The following PLEKHG6 variants were observed in gnomAD, a reference collection of about 807,000 sequenced individuals.
The protein encoded by PLEKHG6 is pleckstrin homology domain-containing family G member 6.
Under a neutral mutation model 97.5 loss-of-function variants are expected in PLEKHG6, and 91 were observed. The observed-to-expected ratio is 0.93, with a 90% CI of 0.79 to 1.11. The LOEUF (loss-of-function observed/expected upper bound fraction) is 1.11. Ranked by LOEUF, PLEKHG6 falls within the 50% of genes most tolerant of loss-of-function variation. PLEKHG6 has a pLI of 0.00. For missense variants in PLEKHG6, 1,044 were observed against 1,031.0 expected (o/e 1.01, Z -0.17); for synonymous variants, 466 against 425.5 (o/e 1.10, Z -1.17).
At position 6,328,062 on chromosome 12, in the gene PLEKHG6, C is replaced by G. The variant is rs1007485452; in HGVS notation, c.2364-74C>G. 18 of 1,591,872 alleles carry G rather than the reference C, an allele frequency of 1.1e-5. No homozygotes were observed. The Admixed American group carries it at 2.2e-4, about 19-fold the overall frequency. On this transcript the variant is annotated intron_variant, in intron 15 of 15. Transcript: ENST00000684764. ...AACAGGGGCTGAGGCAGGAAGGGCTCTCCGCCTCACTCTTCACCTGACCCT... is the reference window on the plus strand; with the variant it reads ...AACAGGGGCTGAGGCAGGAAGGGCTGTCCGCCTCACTCTTCACCTGACCCT...
In PLEKHG6 at chr12:6,315,487, C is replaced by T; in HGVS notation, c.460-67C>T. The T allele has an allele frequency of 9.3e-7, 1 of 1,077,634 alleles. No individual in the cohort carries two copies. Among genetic ancestry groups the T allele is most frequent in the South Asian group, 1.5e-5 (1 of 65,110 alleles). The allele number at this position is 1,077,634 out of a possible 1,614,324, so 66.8% of individuals were successfully genotyped here. ...AACCTATGAAGTGGATCCGGTCGCA[C>T]TTAACAGCTGGTACTTGCCATTCTA... On this transcript the variant is annotated intron_variant, in intron 4 of 15. Transcript: ENST00000684764. This position sits in a 1 kb window ranked among gnomAD's most constrained non-coding sequence, Gnocchi z 4.5.
Position 6,312,139 on chromosome 12 carries a change from T to C in PLEKHG6, c.-68-20T>C. ...CACTGATTGGGGATGGCCCTTCCAT[T>C]CCTCTTTTCTCTCTTGCAGCCCTAG... On this transcript the variant is annotated intron_variant, in intron 1 of 15. Coordinates refer to ENST00000684764, the MANE Select transcript of PLEKHG6 (RefSeq NM_001384598.1). The C allele has an allele frequency of 2.5e-6, 3 of 1,210,694 alleles. No individual in the cohort carries two copies. The highest frequency in any genetic ancestry group is 2.2e-6 in the Non-Finnish European group (2 of 901,566). 75.0% of individuals were successfully genotyped at this position (1,210,694 alleles called of 1,614,324 possible).
At chr12:6,312,624 C>G in intron 2 of PLEKHG6, 1 of 1,282,608 alleles carries the variant, frequency 7.8e-7, no homozygotes, top group African/African-American at 1.5e-5. Context: ...TTAGACAGGT[C>G]TCAGACAAAG....
At chr12:6,313,267 C>T (rs1162756469) in intron 2 of PLEKHG6, 4 of 1,322,622 alleles carry the variant, frequency 3.0e-6, no homozygotes, top group African/African-American at 1.5e-5. Flanking sequence ...CTGTGTGCAC[C>T]ACGCCTTGTC....
chr12:6,327,479 T>TGCCC lies in PLEKHG6; in HGVS notation c.1896_1897insGCCC (p.Pro633AlafsTer38). ...TGGAACTCCGGGACATCCCTCTGCG[T>TGCCC]CCCCACCCTCCCGACCCCCAAGCTC... On this transcript the variant is annotated frameshift_variant, in exon 15 of 16. Coordinates refer to ENST00000684764, the MANE Select transcript of PLEKHG6 (RefSeq NM_001384598.1). LOFTEE classifies it high-confidence loss of function. 8 of 1,603,248 alleles carry TGCCC rather than the reference T, an allele frequency of 5.0e-6. No individual in the cohort carries two copies. The highest frequency in any genetic ancestry group is 5.1e-6 in the Non-Finnish European group (6 of 1,171,700).
rs903425298 is a variant in PLEKHG6, at chr12:6,327,273, A to G, written c.1690A>G (p.Ile564Val). 8 of 1,602,026 alleles carry G rather than the reference A, an allele frequency of 5.0e-6. No individual in the cohort carries two copies. The African/African-American group carries it at 8.0e-5, about 16-fold the overall frequency. Residue 564 changes from isoleucine to valine, a missense_variant, in exon 15 of 16, where the codon ATT becomes GTT. By Grantham distance (29) the Ile-to-Val change is conservative. Transcript: ENST00000684764. ...CTGTAGGACTCCTGAGTTCTCGACCATTATCCCCCACCTGGTGGTGACAGA... is the reference window on the plus strand; with the variant it reads ...CTGTAGGACTCCTGAGTTCTCGACCGTTATCCCCCACCTGGTGGTGACAGA... ...AEGRTPEFST[I>V]IPHLVVTEDT... is the part of the protein sequence containing the mutation.
At chr12:6,314,261 G>A (rs564019595) in intron 3 of PLEKHG6, among the ~76,000 whole-genome samples, 2 of 152,298 alleles carry the variant, frequency 1.3e-5, no homozygotes, top group East Asian at 3.9e-4. Context: ...CCAGCACTTT[G>A]GGAGGCCAAG....
Position 6,315,010 on chromosome 12 carries a change from C to A in PLEKHG6, c.300C>A (p.Leu100=), listed in dbSNP as rs1257259310. The A allele has an allele frequency of 6.2e-7, 1 of 1,613,448 alleles. No individual in the cohort carries two copies. The highest frequency in any genetic ancestry group is 2.2e-5 in the East Asian group (1 of 44,876). ...GCCCTTCTCGGCTCCCCCAGGAACT[C>A]ACCAAGGCCCATGAGCTGGAGGTGA... ...GLLHSPKLKE[L]TKAHELEVRL... The change falls in exon 4 of 16, where the codon CTC becomes CTA. Residue 100 remains leucine (L), a synonymous_variant. Coordinates refer to ENST00000684764, the MANE Select transcript of PLEKHG6 (RefSeq NM_001384598.1). The surrounding 1 kb of genome is among the most constrained non-coding windows in gnomAD (Gnocchi z 4.5).
Position 6,327,585 on chromosome 12 carries a change from T to C in PLEKHG6, c.2002T>C (p.Ser668Pro). 6.3e-7 allele frequency: 1 copy of C among 1,590,622 alleles called. No individual in the cohort carries two copies. The highest frequency in any genetic ancestry group is 8.5e-7 in the Non-Finnish European group (1 of 1,169,874). The change falls in exon 15 of 16, where the codon TCT becomes CCT. Residue 668 changes from serine (S) to proline (P), a missense_variant. By Grantham distance (74) the Ser-to-Pro change is moderately conservative (BLOSUM62 -1). Coordinates refer to ENST00000684764, the MANE Select transcript of PLEKHG6 (RefSeq NM_001384598.1). ...TCCCCAGGAAGACCCACCAACCTGG[T>C]CTGAGGAAGAAGATGGGGCCTCCGA... is the stretch of plus-strand genomic sequence containing the variant. The part of the protein sequence containing the change: ...SLPQEDPPTW[S>P]EEEDGASERG...
In PLEKHG6 at chr12:6,317,903, G is replaced by A. The variant is rs1026549540; in HGVS notation, c.1064G>A (p.Arg355His). The change falls in exon 10 of 16, where the codon CGC becomes CAC. Residue 355 changes from arginine (R) to histidine (H), a missense_variant. By Grantham distance (29) the Arg-to-His change is conservative (BLOSUM62 0). Coordinates refer to ENST00000684764, the MANE Select transcript of PLEKHG6 (RefSeq NM_001384598.1). ...CTGCGACACATCAATGGGCAGGTCC[G>A]CCAGGGCGAAGAGCAAGAGAGCTTG... ...SFLRHINGQV[R>H]QGEEQESLAA... 23 of 1,560,110 alleles carry A rather than the reference G, an allele frequency of 1.5e-5. No homozygotes were observed. The highest frequency in any genetic ancestry group is 3.9e-5 in the Admixed American group (2 of 51,358).
At chr12:6,326,105 G>C (rs1364452351) in intron 13 of PLEKHG6, among the ~76,000 whole-genome samples, 5 of 152,122 alleles carry the variant, frequency 3.3e-5, no homozygotes, top group Non-Finnish European at 7.3e-5. Flanking sequence ...AGGAGTTTGA[G>C]ACCAGCCTGG....
Position 6,327,833 on chromosome 12 carries a change from G to A in PLEKHG6, c.2250G>A (p.Arg750=). Residue 750 remains arginine (R), a synonymous_variant, in exon 15 of 16, where the codon AGG becomes AGA. Transcript: ENST00000684764. ...TCCGGGAGGAGCTGGCCAGCCAAAGGATTGAGGGGGCCGAGGAGCCCCGGG... is the reference window on the plus strand; with the variant it reads ...TCCGGGAGGAGCTGGCCAGCCAAAGAATTGAGGGGGCCGAGGAGCCCCGGG... ...REIREELASQ[R]IEGAEEPRDS... is the part of the protein sequence containing the mutation. 2.6e-6 allele frequency: 4 copies of A among 1,510,672 alleles called. No homozygotes were observed. In the South Asian group the frequency reaches 4.0e-5, roughly 15 times the overall value. 93.6% of individuals were successfully genotyped at this position (1,510,672 alleles called of 1,614,324 possible). A position where few individuals can be genotyped will look rare whatever the true frequency, so the allele number is the denominator to read the frequency against.
intron 13 of PLEKHG6, among the ~76,000 whole-genome samples, chr12:6,324,288 C>G (rs1947796310): frequency 1.2e-5 from 1 of 86,612 alleles, no homozygotes; most frequent in South Asian, 3.8e-4. Context: ...CCCCCTCGCC[C>G]CCCTCCCCCC....
chr12:6,312,611 C>G (rs1294253214), intron 2 of PLEKHG6: 42 of 1,296,562 alleles, frequency 3.2e-5, no homozygotes, highest in Non-Finnish European at 4.0e-5. Context: ...CCGAGGAGTG[C>G]TGTTAGACAG....
In PLEKHG6 at chr12:6,313,802, C is replaced by T. The variant is rs1436045083; in HGVS notation, c.294+18C>T. The T allele has an allele frequency of 1.3e-6, 2 of 1,545,364 alleles. No individual in the cohort carries two copies. The highest frequency in any genetic ancestry group is 1.7e-6 in the Non-Finnish European group (2 of 1,147,460). ...AACTCAAGGTAAGGGGGTCCCTCTC[C>T]TCCCATCCCCACACATACGGCCCCA... On this transcript the variant is annotated intron_variant, in intron 3 of 15. Transcript: ENST00000684764.
intron 2 of PLEKHG6, chr12:6,313,275 G>T: frequency 5.7e-6 from 7 of 1,219,128 alleles, no homozygotes. Context: ...ACCACGCCTT[G>T]TCCATGCACC....
rs138345700 is a variant in PLEKHG6, at chr12:6,317,572, G to T, written c.893G>T (p.Gly298Val). The change falls in exon 9 of 16, where the codon GGG becomes GTG. Residue 298 changes from glycine (G) to valine (V), a missense_variant. Coordinates refer to ENST00000684764, the MANE Select transcript of PLEKHG6 (RefSeq NM_001384598.1). ...VQWCEKHKRSGRQMLCDLLIK... is the reference protein window; with the variant it reads ...VQWCEKHKRSVRQMLCDLLIK... ...TGGTGTGAGAAGCACAAGCGCTCTG[G>T]GAGGCAGATGCTCTGTGACTTGCTT... is the stretch of plus-strand genomic sequence containing the variant. 4.5e-4 allele frequency: 724 copies of T among 1,613,792 alleles called. No individual in the cohort carries two copies. Among genetic ancestry groups the T allele is most frequent in the Non-Finnish European group, 5.8e-4 (682 of 1,180,018 alleles).
chr12:6,319,751 G>C (rs923126784), intron 13 of PLEKHG6: 1 of 1,364,458 alleles, frequency 7.3e-7, no homozygotes, highest in Admixed American at 2.4e-5. Flanking sequence ...TGCTGAGTAC[G>C]GCAGGCACTA....
intron 13 of PLEKHG6, among the ~76,000 whole-genome samples, chr12:6,324,385 C>G (rs1165601461): frequency 2.6e-5 from 4 of 151,846 alleles, no homozygotes; most frequent in East Asian, 3.9e-4. Context: ...TTACAGAAAC[C>G]CTGCTTCCTT....
Sources: allele counts gnomAD v4.1 joint callset (sites outside exome capture counted in the v4.1 genomes callset), GRCh38; gene constraint gnomAD v4.1.1; non-coding constraint Gnocchi (gnomAD v3.1); transcripts MANE v1.5; gene names NCBI Gene and HGNC (gene_info 2026-07-23, HGNC 2026-07-21).